The following KDM6B variants were observed in gnomAD, a reference collection of about 807,000 sequenced individuals.
KDM6B encodes lysine-specific demethylase 6B.
In KDM6B, 22 loss-of-function variants were observed where a neutral mutation model predicts 150.4. The ratio of observed to expected loss-of-function variants is 0.15; its 90% CI spans 0.10 to 0.21. The LOEUF (loss-of-function observed/expected upper bound fraction) is 0.21, where lower values mean the gene tolerates loss of function less well. Ranked by LOEUF, KDM6B falls within the 10% of genes least tolerant of loss-of-function variation. KDM6B has a pLI of 1.00. For synonymous variants in KDM6B, 1,148 were observed against 921.1 expected (o/e 1.25, Z -4.46); for missense variants, 1,984 against 2,234.3 (o/e 0.89, Z 2.26).
rs769014030 is a variant in KDM6B, at chr17:7,846,126, C to T, written c.285C>T (p.Gly95=). 2 of 1,529,510 alleles carry T rather than the reference C, an allele frequency of 1.3e-6. No individual in the cohort carries two copies. Among genetic ancestry groups the T allele is most frequent in the Non-Finnish European group, 1.8e-6 (2 of 1,128,884 alleles). 94.7% of individuals were successfully genotyped at this position (1,529,510 alleles called of 1,614,324 possible). A position where few individuals can be genotyped will look rare whatever the true frequency, so the allele number is the denominator to read the frequency against. The stretch of plus-strand genomic sequence containing the variant: ...ATGGGAAGCTGGAATCCCTGCATGG[C>T]TGTGTGCAGGCATTGCTCCGGGAGC... ...PLHGKLESLH[G]CVQALLREPA... is the part of the protein sequence containing the mutation. Residue 95 remains glycine (G), a synonymous_variant, in exon 7 of 24, where the codon GGC becomes GGT. Coordinates refer to ENST00000448097, the MANE Select transcript of KDM6B (RefSeq NM_001348716.2).
At chr17:7,835,500 C>T (rs965612689) in intron 1 of KDM6B, among the ~76,000 whole-genome samples, 1 of 151,978 alleles carries the variant, frequency 6.6e-6, no homozygotes, top group African/African-American at 2.4e-5. Context: ...ACCTCGGCTC[C>T]CCTTCCCTCC....
rs1567787959 is a variant in KDM6B, at chr17:7,845,419, G to GC, written c.-40dup. ...CCAGAGAGCTGGGGCAGGGGGCCGT[G>GC]CCCAATCTCCAGGGCTCCTGGGGCC... On this transcript the variant is annotated 5_prime_UTR_variant, in exon 4 of 24. Transcript: ENST00000448097. 9.0e-7 allele frequency: 1 copy of GC among 1,111,540 alleles called. No homozygotes were observed. The highest frequency in any genetic ancestry group is 1.4e-6 in the Non-Finnish European group (1 of 726,466). 68.9% of individuals were successfully genotyped at this position (1,111,540 alleles called of 1,614,324 possible). A position where few individuals can be genotyped will look rare whatever the true frequency, so the allele number is the denominator to read the frequency against.
chr17:7,849,801 A>G lies in KDM6B; in HGVS notation c.3441-20A>G. ...CCATCACCCTGATGTTTCTGTCTTCATTCCACTGTCCTCCCGCAGGAATGC... is the reference window on the plus strand; with the variant it reads ...CCATCACCCTGATGTTTCTGTCTTCGTTCCACTGTCCTCCCGCAGGAATGC... On this transcript the variant is annotated intron_variant, in intron 12 of 23. Transcript: ENST00000448097. 1 of 1,612,870 alleles carries G rather than the reference A, an allele frequency of 6.2e-7. No homozygotes were observed. Among genetic ancestry groups the G allele is most frequent in the Non-Finnish European group, 8.5e-7 (1 of 1,180,020 alleles).
rs1254482218 is a variant in KDM6B at position 7,849,669 on chromosome 17, G to A, written c.3381G>A (p.Arg1127=). 8 of 1,609,496 alleles carry A rather than the reference G, an allele frequency of 5.0e-6. No homozygotes were observed. Among genetic ancestry groups the A allele is most frequent in the Admixed American group, 1.7e-5 (1 of 59,992 alleles). Residue 1127 remains arginine (R), a synonymous_variant, in exon 12 of 24, where the codon CGG becomes CGA. Coordinates refer to ENST00000448097, the MANE Select transcript of KDM6B (RefSeq NM_001348716.2). ...TFIASEVEER[R]LRMADLTISH... ...TCGCCTCTGAGGTGGAAGAGCGGCG[G>A]CTGCGCATGGCAGACCTCACCATCA...
At chr17:7,837,099 A>G (rs1034474442) in intron 1 of KDM6B, among the ~76,000 whole-genome samples, 1 of 152,018 alleles carries the variant, frequency 6.6e-6, no homozygotes, top group Admixed American at 6.5e-5. Flanking sequence ...GGGCTGAGGG[A>G]GCCTTGGGTC....
At position 7,853,656 on chromosome 17, in the gene KDM6B, C is replaced by A; in HGVS notation, c.*135C>A. Reference sequence around the variant, plus strand: ...AGCCCTTCCACCCCATTGGCAGCTCCCCTCACTTAATTTATTAAGAAAAAC... The same window carrying A: ...AGCCCTTCCACCCCATTGGCAGCTCACCTCACTTAATTTATTAAGAAAAAC... On this transcript the variant is annotated 3_prime_UTR_variant, in exon 24 of 24. Coordinates refer to ENST00000448097, the MANE Select transcript of KDM6B (RefSeq NM_001348716.2). 1.9e-6 allele frequency: 1 copy of A among 514,124 alleles called. No individual in the cohort carries two copies. Among genetic ancestry groups the A allele is most frequent in the Non-Finnish European group, 3.0e-6 (1 of 338,962 alleles). 31.8% of individuals were successfully genotyped at this position (514,124 alleles called of 1,614,324 possible).
Position 7,847,857 on chromosome 17 carries a change from G to A in KDM6B, c.1569G>A (p.Glu523=), listed in dbSNP as rs1340178963. ...CCCCACCACCCCTCCCCCATCGCGAGGGCTTCTTGGGGCCTCCGGCCTCCC... is the reference window on the plus strand; with the variant it reads ...CCCCACCACCCCTCCCCCATCGCGAAGGCTTCTTGGGGCCTCCGGCCTCCC... ...RPAPPPLPHR[E]GFLGPPASRF... is the part of the protein sequence containing the mutation. The change falls in exon 12 of 24, where the codon GAG becomes GAA. Residue 523 remains glutamate, a synonymous_variant. Transcript: ENST00000448097. The A allele has an allele frequency of 6.9e-7, 1 of 1,453,222 alleles. No homozygotes were observed. 90.0% of individuals were successfully genotyped at this position (1,453,222 alleles called of 1,614,324 possible).
chr17:7,846,370 T>TGGCCGG, intron 7 of KDM6B, 30 bp from the exon 8 acceptor site: 1 of 1,501,960 alleles, frequency 6.7e-7, no homozygotes, highest in South Asian at 1.2e-5. Context: ...ACCTGACATC[T>TGGCCGG]GCCCCTGCCC....
In KDM6B at chr17:7,849,090, C is replaced by T; in HGVS notation, c.2802C>T (p.Asp934=). Reference sequence around the variant, plus strand: ...AGCGGGTGGGCCGGAGTGCCACTGACCCAGCCGACCCAGTGGACACAGCAG... The same window carrying T: ...AGCGGGTGGGCCGGAGTGCCACTGATCCAGCCGACCCAGTGGACACAGCAG... ...LVERVGRSAT[D]PADPVDTAEP... is the part of the protein sequence containing the mutation. The change falls in exon 12 of 24, where the codon GAC becomes GAT. Residue 934 remains aspartate (D), a synonymous_variant. Coordinates refer to ENST00000448097, the MANE Select transcript of KDM6B (RefSeq NM_001348716.2). 2 of 1,612,436 alleles carry T rather than the reference C, an allele frequency of 1.2e-6. No homozygotes were observed. Among genetic ancestry groups the T allele is most frequent in the Non-Finnish European group, 1.7e-6 (2 of 1,179,900 alleles).
Position 7,849,335 on chromosome 17 carries a change from G to A in KDM6B, c.3047G>A (p.Arg1016Gln), listed in dbSNP as rs771899487. The A allele has an allele frequency of 1.5e-4, 242 of 1,580,674 alleles. No homozygotes were observed. Among genetic ancestry groups the A allele is most frequent in the Non-Finnish European group, 1.9e-4 (222 of 1,163,970 alleles). ...AAGGTCCCCAAAGAAAAGAGCCGCCGGGTGCTGGGGAACCTGGACCTGCAG... is the reference window on the plus strand; with the variant it reads ...AAGGTCCCCAAAGAAAAGAGCCGCCAGGTGCTGGGGAACCTGGACCTGCAG... ...KAKVPKEKSR[R>Q]VLGNLDLQSE... The change falls in exon 12 of 24, where the codon CGG becomes CAG. Residue 1016 changes from arginine (R) to glutamine (Q), a missense_variant. Arg to Gln is a conservative substitution (Grantham distance 43, BLOSUM62 1). Coordinates refer to ENST00000448097, the MANE Select transcript of KDM6B (RefSeq NM_001348716.2).
intron 1 of KDM6B, among the ~76,000 whole-genome samples, chr17:7,838,176 C>G (rs1400293311): frequency 3.1e-5 from 3 of 95,302 alleles, no homozygotes; most frequent in African/African-American, 4.2e-5. Context: ...GGGGACAGGG[C>G]TAGGCTGAGG....
rs902430891 is a variant in KDM6B at position 7,839,998 on chromosome 17, GAGAC to G, written c.-292_-289del. On this transcript the variant is annotated 5_prime_UTR_variant, in exon 2 of 24. It introduces an in-frame stop codon into an upstream open reading frame of the 5' UTR. Coordinates refer to ENST00000448097, the MANE Select transcript of KDM6B (RefSeq NM_001348716.2). ...CCACTGCTGGGGTGGTGGTTCCAATGAGACAGGGCACACCAAACTCCATCTGGTA... is the reference window on the plus strand; with the variant it reads ...CCACTGCTGGGGTGGTGGTTCCAATGAGGGCACACCAAACTCCATCTGGTA... 1.3e-5 allele frequency: 2 copies of G among 152,582 alleles called. No individual in the cohort carries two copies. Among genetic ancestry groups the G allele is most frequent in the Non-Finnish European group, 2.9e-5 (2 of 68,046 alleles). The allele number at this position is 152,582 out of a possible 1,614,324, so 9.5% of individuals were successfully genotyped here.
rs190694757 is a variant in KDM6B, at chr17:7,845,288, G to A, written c.-148-26G>A. 5.1e-4 allele frequency: 300 copies of A among 586,484 alleles called. 1 individual carries two copies. The highest frequency in any genetic ancestry group is 5.0e-3 in the African/African-American group (267 of 53,842). 36.3% of individuals were successfully genotyped at this position (586,484 alleles called of 1,614,324 possible). A position where few individuals can be genotyped will look rare whatever the true frequency, so the allele number is the denominator to read the frequency against. On this transcript the variant is annotated intron_variant, in intron 3 of 23. Transcript: ENST00000448097. ...GCCTTGACTGTGTGCTGGCCAGCTC[G>A]TCTCACTCCTTTTCCTTCTCTCTAG...
In KDM6B at chr17:7,852,997, C is replaced by T. The variant is rs767751477; in HGVS notation, c.4611-3C>T. ...GTCTCAACACAACCCCACTGCTCCC[C>T]AGGTTCTGCCTGCTGCAGTCCATGA... On this transcript the variant is annotated splice_region_variant and splice_polypyrimidine_tract_variant and intron_variant, in intron 21 of 23. Transcript: ENST00000448097. 9 of 1,613,752 alleles carry T rather than the reference C, an allele frequency of 5.6e-6. No individual in the cohort carries two copies. Among genetic ancestry groups the T allele is most frequent in the Non-Finnish European group, 7.6e-6 (9 of 1,180,038 alleles).
At position 7,846,263 on chromosome 17, in the gene KDM6B, C is replaced by G; in HGVS notation, c.422C>G (p.Ala141Gly). The change falls in exon 7 of 24, where the codon GCT (alanine) becomes GGT (glycine). Residue 141 changes from alanine to glycine, a missense_variant. By Grantham distance (60) the Ala-to-Gly change is moderately conservative. Transcript: ENST00000448097. ...GCCCTTCGATACGGAGGAAGCTTCG[C>G]TGAGCTGGGGCCCCGCATTGGCCGA... ...HSALRYGGSF[A>G]ELGPRIGRLQ... 1 of 1,613,810 alleles carries G rather than the reference C, an allele frequency of 6.2e-7. No homozygotes were observed. Among genetic ancestry groups the G allele is most frequent in the Non-Finnish European group, 8.5e-7 (1 of 1,179,906 alleles).
chr17:7,849,253 G>A lies in KDM6B; in HGVS notation c.2965G>A (p.Ala989Thr), dbSNP rs758231458. 6 of 1,561,138 alleles carry A rather than the reference G, an allele frequency of 3.8e-6. No individual in the cohort carries two copies. The highest frequency in any genetic ancestry group is 1.9e-5 in the Admixed American group (1 of 52,384). The change falls in exon 12 of 24, where the codon GCC (alanine) becomes ACC (threonine). Residue 989 changes from alanine to threonine, a missense_variant. Physicochemically the swap from Ala to Thr is moderately conservative, Grantham distance 58 (BLOSUM62 0). Around this residue, in one of 13 missense-constraint regions of KDM6B, gnomAD observed 1,379 missense variants for 1,275.6 expected, o/e 1.08. Transcript: ENST00000448097. Reference sequence around the variant, plus strand: ...GAAGGAGCATCGGCGGCACAGGCGGGCCTGTAAGGACAGTGTGGGTCGTCG... The same window carrying A: ...GAAGGAGCATCGGCGGCACAGGCGGACCTGTAAGGACAGTGTGGGTCGTCG... ...HQKEHRRHRR[A>T]CKDSVGRRPR... is the part of the protein sequence containing the mutation.
intron 23 of KDM6B, 47 bp from the exon 24 acceptor site, chr17:7,853,451 G>GCCCGGCCGCGCCTTT (rs2078745018): frequency 1.3e-6 from 2 of 1,511,262 alleles, no homozygotes; most frequent in Non-Finnish European, 1.8e-6. Flanking sequence ...GGCTTCGGGA[G>GCCCGGCCGCGCCTTT]CCCGGCCGCG....
Position 7,847,769 on chromosome 17 carries a change from C to A in KDM6B, c.1481C>A (p.Ala494Asp). The A allele has an allele frequency of 6.5e-7, 1 of 1,542,464 alleles. No individual in the cohort carries two copies. Among genetic ancestry groups the A allele is most frequent in the East Asian group, 2.4e-5 (1 of 41,812 alleles). The change falls in exon 12 of 24, where the codon GCC becomes GAC. Residue 494 changes from alanine (A) to aspartate (D), a missense_variant. Transcript: ENST00000448097. The part of the protein sequence containing the change: ...AWLKGPACRA[A>D]REDGEILEEL... Reference sequence around the variant, plus strand: ...TTGAAGGGTCCGGCCTGCCGGGCAGCCCGAGAGGATGGAGAGATCTTAGAA... The same window carrying A: ...TTGAAGGGTCCGGCCTGCCGGGCAGACCGAGAGGATGGAGAGATCTTAGAA...
At position 7,853,282 on chromosome 17, in the gene KDM6B, G is replaced by A; in HGVS notation, c.4810G>A (p.Gly1604Ser). ...SRNTYLVHCE[G>S]CARRRSAGLQ... ...CAACACGTACCTGGTACACTGCGAG[G>A]GCTGTGCCCGGCGCCGCAGCGCAGG... Residue 1604 changes from glycine to serine, a missense_variant, in exon 23 of 24, where the codon GGC becomes AGC. Transcript: ENST00000448097. 6.2e-7 allele frequency: 1 copy of A among 1,607,152 alleles called. No homozygotes were observed. Among genetic ancestry groups the A allele is most frequent in the Non-Finnish European group, 8.5e-7 (1 of 1,177,402 alleles).
Sources: allele counts gnomAD v4.1 joint callset (sites outside exome capture counted in the v4.1 genomes callset), GRCh38; gene constraint gnomAD v4.1.1; regional missense constraint gnomAD v4.1.1; transcripts MANE v1.5; gene names NCBI Gene and HGNC (gene_info 2026-07-23, HGNC 2026-07-21).